Variants in EEFSEC observed in about 807,000 individuals in gnomAD.
EEFSEC encodes the protein eukaryotic elongation factor, selenocysteine-tRNA specific, also known as selenocysteine-specific elongation factor.
A neutral mutation model predicts 42.1 loss-of-function variants in EEFSEC; 43 were observed. That is an observed-to-expected ratio of 1.02 (90% CI 0.80 to 1.32). EEFSEC has a LOEUF of 1.32. Among genes scored for constraint, EEFSEC ranks in the 40% most tolerant of loss-of-function variants. The pLI, the probability that EEFSEC is intolerant of heterozygous loss-of-function variation, is 0.00. For synonymous variants in EEFSEC, 354 were observed against 339.1 expected (o/e 1.04, Z -0.48); for missense variants, 745 against 803.6 (o/e 0.93, Z 0.88).
At chr3:128,238,829 C>T (rs2066040195) in intron 1 of EEFSEC, among the ~76,000 whole-genome samples, 1 of 152,186 alleles carries the variant, frequency 6.6e-6, no homozygotes, top group Non-Finnish European at 1.5e-5. Flanking sequence ...CTGCAGTGTC[C>T]CTGCTGGACG....
intron 5 of EEFSEC, among the ~76,000 whole-genome samples, chr3:128,353,409 C>G (rs2067412659): frequency 6.6e-6 from 1 of 151,908 alleles, no homozygotes; most frequent in Non-Finnish European, 1.5e-5. Context: ...TGTTTGGGCC[C>G]CACTATAAGT....
At chr3:128,263,809 A>T (rs549173772) in intron 3 of EEFSEC, among the ~76,000 whole-genome samples, 3 of 152,366 alleles carry the variant, frequency 2.0e-5, no homozygotes, top group African/African-American at 7.2e-5. Context: ...CCCGGCACAC[A>T]GGTGGCATGA....
chr3:128,374,231 A>G (rs2067685270), intron 6 of EEFSEC, among the ~76,000 whole-genome samples: 1 of 151,838 alleles, frequency 6.6e-6, no homozygotes, highest in African/African-American at 2.4e-5. Flanking sequence ...ACCACACCAG[A>G]CCCCCAGGTC....
At chr3:128,418,549 A>G in the EEFSEC span, among the ~76,000 whole-genome samples, 7 of 115,100 alleles carry the variant, frequency 6.1e-5, no homozygotes, top group African/African-American at 1.4e-4. Context: ...CCCGTGCCCC[A>G]CAGACTGTCC....
chr3:128,325,675 A>G (rs916537357), intron 4 of EEFSEC, among the ~76,000 whole-genome samples: 1 of 152,152 alleles, frequency 6.6e-6, no homozygotes, highest in African/African-American at 2.4e-5. Flanking sequence ...TGATTACTTT[A>G]GACATTTTTG....
At chr3:128,154,919 T>C (rs1407463594) in intron 1 of EEFSEC, among the ~76,000 whole-genome samples, 1 of 152,196 alleles carries the variant, frequency 6.6e-6, no homozygotes, top group African/African-American at 2.4e-5. Context: ...GTGTTTTCGG[T>C]CGTGGTGGGT....
At chr3:128,196,547 A>T (rs2065586535) in intron 1 of EEFSEC, among the ~76,000 whole-genome samples, 1 of 152,348 alleles carries the variant, frequency 6.6e-6, no homozygotes, top group South Asian at 2.1e-4. Context: ...TAAACATTTC[A>T]TGTAATTTTT....
chr3:128,192,682 C>G (rs2065538230), intron 1 of EEFSEC, among the ~76,000 whole-genome samples: 1 of 152,148 alleles, frequency 6.6e-6, no homozygotes, highest in African/African-American at 2.4e-5. Context: ...TTGATTAACT[C>G]TTTCCACAGT....
intron 4 of EEFSEC, 48 bp from the exon 5 acceptor site, chr3:128,341,185 C>T (rs1405886051): frequency 2.6e-6 from 4 of 1,550,674 alleles, no homozygotes; most frequent in African/African-American, 2.7e-5. Flanking sequence ...CTCCCCACAG[C>T]CCCGAGGCTT....
At chr3:128,379,545 G>A (rs1317929169) in intron 6 of EEFSEC, among the ~76,000 whole-genome samples, 1 of 152,246 alleles carries the variant, frequency 6.6e-6, no homozygotes, top group African/African-American at 2.4e-5. Context: ...ACACAGCCTA[G>A]TGGACAGAAA....
intron 1 of EEFSEC, among the ~76,000 whole-genome samples, chr3:128,196,726 A>G (rs557938971): frequency 2.0e-5 from 3 of 152,294 alleles, no homozygotes; most frequent in Non-Finnish European, 4.4e-5. Flanking sequence ...AAGAAATGTG[A>G]CCCAAACCTG....
rs569681091 is a variant in EEFSEC at position 128,273,780 on chromosome 3, G to T, written c.786+8999G>T. ...GCCCAGGCATGGTTGGAGCAGGGGA[G>T]AAATGGTGGCTTTAACCCAAGTGGT... On this transcript the variant is annotated intron_variant, in intron 4 of 6. Transcript: ENST00000254730. Among the ~76,000 whole-genome samples the T allele has an allele frequency of 3.3e-5, 5 of 152,348 alleles. No individual in the cohort carries two copies. The South Asian group carries it at 1.0e-3, about 32-fold the overall frequency.
intron 5 of EEFSEC, among the ~76,000 whole-genome samples, chr3:128,342,685 A>G (rs565116249): frequency 1.6e-4 from 25 of 152,274 alleles, no homozygotes; most frequent in African/African-American, 6.0e-4. Context: ...GCTCTGTCCC[A>G]GGAGACTCTG....
intron 1 of EEFSEC, among the ~76,000 whole-genome samples, chr3:128,185,906 A>G (rs574561981): frequency 6.6e-6 from 1 of 152,358 alleles, no homozygotes; most frequent in Admixed American, 6.5e-5. Context: ...ATGAGGAGTC[A>G]TGTACATGTT....
At chr3:128,171,756 A>G (rs1229286690) in intron 1 of EEFSEC, among the ~76,000 whole-genome samples, 2 of 152,016 alleles carry the variant, frequency 1.3e-5, no homozygotes, top group Non-Finnish European at 2.9e-5. Context: ...GTGTTTTTCT[A>G]TAGAGACTTT....
At chr3:128,264,030 G>A (rs1046112210) in intron 3 of EEFSEC, among the ~76,000 whole-genome samples, 1 of 152,204 alleles carries the variant, frequency 6.6e-6, no homozygotes, top group Non-Finnish European at 1.5e-5. Flanking sequence ...GAGAGTGTTA[G>A]CTATAGTGAT....
At chr3:128,410,604 C>T (rs1559964751), downstream of EEFSEC, among the ~76,000 whole-genome samples, 2 of 152,182 alleles carry the variant, frequency 1.3e-5, no homozygotes, top group Non-Finnish European at 2.9e-5. Flanking sequence ...AGTTCCCTAA[C>T]CTCATGCCTC....
At chr3:128,355,778 C>T (rs565681688) in intron 5 of EEFSEC, among the ~76,000 whole-genome samples, 11 of 152,318 alleles carry the variant, frequency 7.2e-5, no homozygotes, top group Admixed American at 5.9e-4. Context: ...ATGTTTCTGC[C>T]TGGAGCTTGT....
At chr3:128,364,022 G>C (rs958494802) in intron 6 of EEFSEC, among the ~76,000 whole-genome samples, 1 of 152,164 alleles carries the variant, frequency 6.6e-6, no homozygotes, top group Non-Finnish European at 1.5e-5. Flanking sequence ...AGGGGGCCAG[G>C]CACAGTGGCT....
Sources: gnomAD v4.1 joint callset for allele counts (sites outside exome capture counted in the v4.1 genomes callset) on GRCh38, gnomAD v4.1.1 for gene constraint, MANE v1.5 for transcripts, NCBI Gene and HGNC (gene_info 2026-07-23, HGNC 2026-07-21) for gene names.